The following SAMD4A variants were observed in gnomAD, a reference collection of about 807,000 sequenced individuals.
SAMD4A encodes the protein sterile alpha motif domain containing 4A.
A neutral mutation model predicts 81.3 loss-of-function variants in SAMD4A; 33 were observed. The ratio of observed to expected loss-of-function variants is 0.41; its 90% CI spans 0.31 to 0.54. The LOEUF is 0.54. Ranked by LOEUF, SAMD4A falls within the 20% of genes least tolerant of loss-of-function variation. The pLI is 0.37. For missense variants in SAMD4A, 854 were observed against 951.1 expected (o/e 0.90, Z 1.34); for synonymous variants, 389 against 382.1 (o/e 1.02, Z -0.21).
At chr14:54,673,538 G>T (rs2035930067) in intron 2 of SAMD4A, among the ~76,000 whole-genome samples, 1 of 152,216 alleles carries the variant, frequency 6.6e-6, no homozygotes, top group African/African-American at 2.4e-5. Flanking sequence ...ATTTGGACTG[G>T]TTTCATTTAA....
intron 2 of SAMD4A, among the ~76,000 whole-genome samples, chr14:54,696,675 A>G (rs973858533): frequency 1.3e-5 from 2 of 152,212 alleles, no homozygotes; most frequent in African/African-American, 4.8e-5. Context: ...ACTCTTTGTC[A>G]CTCCAAAAAT....
intron 7 of SAMD4A, among the ~76,000 whole-genome samples, chr14:54,762,001 A>T (rs949519508): frequency 6.6e-6 from 1 of 152,252 alleles, no homozygotes; most frequent in Non-Finnish European, 1.5e-5. Flanking sequence ...TAGATGCCTC[A>T]TAAGTAGGCG....
At chr14:54,647,132 G>C (rs2035303269) in intron 2 of SAMD4A, among the ~76,000 whole-genome samples, 1 of 152,038 alleles carries the variant, frequency 6.6e-6, no homozygotes, top group Non-Finnish European at 1.5e-5. Context: ...TTTTCATCTT[G>C]CTTTTAACTT....
chr14:54,653,573 C>T (rs2035455542), intron 2 of SAMD4A, among the ~76,000 whole-genome samples: 1 of 151,982 alleles, frequency 6.6e-6, no homozygotes, highest in African/African-American at 2.4e-5. Context: ...CTCCTGACCT[C>T]AAGTGATCCA....
intron 3 of SAMD4A, among the ~76,000 whole-genome samples, chr14:54,716,907 G>A (rs1445496189): frequency 2.0e-5 from 3 of 152,122 alleles, no homozygotes; most frequent in Admixed American, 1.3e-4. Context: ...CCTCTCAGTG[G>A]TGCTTCTAAA....
In SAMD4A at chr14:54,746,203, A is replaced by G. The variant is rs2037963962; in HGVS notation, c.980-2612A>G. 3.9e-5 allele frequency among the ~76,000 whole-genome samples: 6 copies of G among 152,256 alleles called. No individual in the cohort carries two copies. In the South Asian group the frequency reaches 1.2e-3, roughly 31 times the overall value. On this transcript the variant is annotated intron_variant, in intron 4 of 12. Coordinates refer to ENST00000554335, the MANE Select transcript of SAMD4A (RefSeq NM_015589.6). ...CCAGAGGGTGAAAGGTTAGTAGGCTATGTTCTTAAGAACTGGGATTTCCTC... is the reference window on the plus strand; with the variant it reads ...CCAGAGGGTGAAAGGTTAGTAGGCTGTGTTCTTAAGAACTGGGATTTCCTC...
intron 2 of SAMD4A, among the ~76,000 whole-genome samples, chr14:54,599,241 T>A (rs1406813657): frequency 6.6e-6 from 1 of 152,186 alleles, no homozygotes; most frequent in Admixed American, 6.5e-5. Flanking sequence ...ATTCCTGTTG[T>A]CAAATTGCCC....
intron 2 of SAMD4A, among the ~76,000 whole-genome samples, chr14:54,695,706 G>A (rs2036557946): frequency 6.6e-6 from 1 of 151,740 alleles, no homozygotes; most frequent in Non-Finnish European, 1.5e-5. Context: ...TGTAATCCCA[G>A]CACTTTGGGA....
intron 2 of SAMD4A, among the ~76,000 whole-genome samples, chr14:54,677,595 A>G (rs891294832): frequency 6.6e-6 from 1 of 152,158 alleles, no homozygotes; most frequent in Non-Finnish European, 1.5e-5. Flanking sequence ...TACCAAGTGG[A>G]TATGTGAATG....
intron 2 of SAMD4A, among the ~76,000 whole-genome samples, chr14:54,638,569 A>T (rs2140369250): frequency 6.6e-6 from 1 of 152,370 alleles, no homozygotes; most frequent in East Asian, 1.9e-4. Flanking sequence ...ATTTAAAAGC[A>T]TCTTCCTCTA....
chr14:54,771,310 T>C (rs991811131), intron 9 of SAMD4A, among the ~76,000 whole-genome samples: 3 of 152,244 alleles, frequency 2.0e-5, no homozygotes, highest in African/African-American at 7.2e-5. Flanking sequence ...TTAATCCTCA[T>C]GACAACCATG....
intron 2 of SAMD4A, among the ~76,000 whole-genome samples, chr14:54,636,611 G>T (rs747763847): frequency 6.6e-6 from 1 of 152,216 alleles, no homozygotes; most frequent in Non-Finnish European, 1.5e-5. Context: ...TTGGCTGACA[G>T]CAGTGTAACT....
intron 5 of SAMD4A, 98 bp from the exon 6 acceptor site, chr14:54,751,353 G>T (rs2038097380): frequency 5.3e-6 from 4 of 753,016 alleles, no homozygotes; most frequent in Non-Finnish European, 8.9e-6. Flanking sequence ...ACATATAGGA[G>T]CAAAGAAGAC....
At chr14:54,615,213 G>A (rs557707488) in intron 2 of SAMD4A, among the ~76,000 whole-genome samples, 3 of 152,126 alleles carry the variant, frequency 2.0e-5, no homozygotes, top group Admixed American at 6.5e-5. Flanking sequence ...GCAATTTTTG[G>A]CTGCTTTACC....
intron 4 of SAMD4A, among the ~76,000 whole-genome samples, chr14:54,748,048 T>C (rs2038009757): frequency 6.6e-6 from 1 of 152,254 alleles, no homozygotes; most frequent in Admixed American, 6.5e-5. Flanking sequence ...CATTATCCTA[T>C]GGCCTAGCCA....
At chr14:54,740,784 C>G (rs758801536) in intron 4 of SAMD4A, among the ~76,000 whole-genome samples, 1 of 152,188 alleles carries the variant, frequency 6.6e-6, no homozygotes, top group East Asian at 1.9e-4. Flanking sequence ...CCAAGCAGAC[C>G]AGCTCCTACT....
Position 54,685,425 on chromosome 14 carries a change from A to G in SAMD4A, c.197-16637A>G, listed in dbSNP as rs149083525. 2.1e-3 allele frequency among the ~76,000 whole-genome samples: 317 copies of G among 152,338 alleles called. 2 individuals carry two copies. Among genetic ancestry groups the G allele is most frequent in the African/African-American group, 7.1e-3 (294 of 41,574 alleles). On this transcript the variant is annotated intron_variant, in intron 2 of 12. Coordinates refer to ENST00000554335, the MANE Select transcript of SAMD4A (RefSeq NM_015589.6). Reference sequence around the variant, plus strand: ...GAGGTCCATCTATGTTATAGCATGCACTGGAATTTCCTTCCTTGTTGAGGC... The same window carrying G: ...GAGGTCCATCTATGTTATAGCATGCGCTGGAATTTCCTTCCTTGTTGAGGC...
intron 8 of SAMD4A, among the ~76,000 whole-genome samples, chr14:54,765,890 TC>T (rs2038526910): frequency 1.3e-5 from 2 of 151,904 alleles, no homozygotes; most frequent in Non-Finnish European, 2.9e-5. Context: ...AGCTCCCCCT[TC>T]CCCACTTCCC....
intron 2 of SAMD4A, among the ~76,000 whole-genome samples, chr14:54,570,317 A>G (rs1411786522): frequency 1.3e-5 from 2 of 152,212 alleles, no homozygotes; most frequent in South Asian, 4.1e-4. Flanking sequence ...ATATCCGGAA[A>G]CTAGCCAAGA....
Sources: allele counts gnomAD v4.1 joint callset (sites outside exome capture counted in the v4.1 genomes callset), GRCh38; gene constraint gnomAD v4.1.1; transcripts MANE v1.5; gene names NCBI Gene and HGNC (gene_info 2026-07-23, HGNC 2026-07-21).